CDH4: variants seen among roughly 807,000 people sequenced by gnomAD.
CDH4 encodes cadherin 4.
In CDH4, 33 loss-of-function variants were observed where a neutral mutation model predicts 86.0. The observed-to-expected ratio is 0.38, with a 90% CI of 0.29 to 0.51. CDH4 has a LOEUF of 0.51. Ranked by LOEUF, CDH4 falls within the 20% of genes least tolerant of loss-of-function variation. The pLI, the probability that CDH4 is intolerant of heterozygous loss-of-function variation, is 0.86. For synonymous variants in CDH4, 555 were observed against 549.4 expected (o/e 1.01, Z -0.14); for missense variants, 1,114 against 1,307.4 (o/e 0.85, Z 2.28).
intron 2 of CDH4, among the ~76,000 whole-genome samples, chr20:61,307,121 TAGG>T (rs10567243): frequency 0.61 from 93,029 of 151,782 alleles, 29,398 homozygotes; most frequent in Non-Finnish European, 0.7. Context: ...GCTGCTGCCT[TAGG>T]AGGAATTCCT....
At chr20:61,364,418 C>G (rs1377507261) in intron 2 of CDH4, among the ~76,000 whole-genome samples, 1 of 152,204 alleles carries the variant, frequency 6.6e-6, no homozygotes, top group Non-Finnish European at 1.5e-5. Flanking sequence ...ACTGCATGAG[C>G]TCAGGGCTCC....
At chr20:61,836,412 A>G (rs1600699226) in intron 4 of CDH4, among the ~76,000 whole-genome samples, 2 of 152,332 alleles carry the variant, frequency 1.3e-5, no homozygotes. Flanking sequence ...TTTTATTAGC[A>G]TTCATATGAC....
chr20:61,605,641 C>T (rs997621995), intron 2 of CDH4, among the ~76,000 whole-genome samples: 5 of 151,936 alleles, frequency 3.3e-5, no homozygotes, highest in African/African-American at 4.8e-5. Context: ...GTCTCTCCCT[C>T]TCTCTGTCTC....
chr20:61,310,429 C>T (rs949675400), intron 2 of CDH4, among the ~76,000 whole-genome samples: 3 of 152,168 alleles, frequency 2.0e-5, no homozygotes, highest in African/African-American at 7.2e-5. Flanking sequence ...AACTGTTCCA[C>T]CTCAGATCAT....
chr20:61,712,870 T>G (rs1286758172), intron 2 of CDH4, among the ~76,000 whole-genome samples: 2 of 152,182 alleles, frequency 1.3e-5, no homozygotes, highest in African/African-American at 4.8e-5. Context: ...AAGCTCTGAC[T>G]CGCCGAGGGT....
At position 61,544,915 on chromosome 20, in the gene CDH4, T is replaced by C. The variant is rs1334863106; in HGVS notation, c.170-198648T>C. 6.6e-6 allele frequency among the ~76,000 whole-genome samples: 1 copy of C among 152,112 alleles called. No homozygotes were observed. Among genetic ancestry groups the C allele is most frequent in the Non-Finnish European group, 1.5e-5 (1 of 68,040 alleles). The stretch of plus-strand genomic sequence containing the variant: ...TGGTACATACAGGTGCTAGGTACAA[T>C]CAAATGTATGTGATAAGTAATTAGA... On this transcript the variant is annotated intron_variant, in intron 2 of 15. Coordinates refer to ENST00000614565, the MANE Select transcript of CDH4 (RefSeq NM_001794.5). This position sits in a 1 kb window ranked among gnomAD's most constrained non-coding sequence, Gnocchi z 6.5.
At chr20:61,294,391 C>T (rs374218156) in intron 2 of CDH4, among the ~76,000 whole-genome samples, 28 of 152,292 alleles carry the variant, frequency 1.8e-4, no homozygotes, top group Non-Finnish European at 3.5e-4. Context: ...TCTGGGAGGG[C>T]AGCAGTCAAA....
In CDH4 at chr20:61,571,934, G is replaced by A. The variant is rs1176620392; in HGVS notation, c.170-171629G>A. Among the ~76,000 whole-genome samples, 3 of 152,102 alleles carry A rather than the reference G, an allele frequency of 2.0e-5. No individual in the cohort carries two copies. In the East Asian group the frequency reaches 5.8e-4, roughly 29 times the overall value. ...TCATGTTTTGTTCCCATGTTTCAGAGGAGGAAACTGAGGCACAGAGACTTC... is the reference window on the plus strand; with the variant it reads ...TCATGTTTTGTTCCCATGTTTCAGAAGAGGAAACTGAGGCACAGAGACTTC... On this transcript the variant is annotated intron_variant, in intron 2 of 15. Transcript: ENST00000614565.
intron 2 of CDH4, among the ~76,000 whole-genome samples, chr20:61,540,309 G>A (rs184405861): frequency 7.9e-5 from 12 of 152,292 alleles, no homozygotes; most frequent in Admixed American, 5.2e-4. Flanking sequence ...AGCCAAAAAT[G>A]TATCCTTTGA....
chr20:61,291,397 G>A (rs1049229190), intron 2 of CDH4, among the ~76,000 whole-genome samples: 1 of 152,242 alleles, frequency 6.6e-6, no homozygotes, highest in Non-Finnish European at 1.5e-5. Flanking sequence ...ACCGTGGTGT[G>A]TGGGCCCTGG....
At chr20:61,835,207 T>C (rs1295665674) in intron 4 of CDH4, among the ~76,000 whole-genome samples, 2 of 152,090 alleles carry the variant, frequency 1.3e-5, no homozygotes, top group Non-Finnish European at 2.9e-5. Flanking sequence ...TGTGCCACCA[T>C]GTCCAACTAA....
At chr20:61,317,016 T>C (rs552842503) in intron 2 of CDH4, among the ~76,000 whole-genome samples, 1 of 151,460 alleles carries the variant, frequency 6.6e-6, no homozygotes, top group Non-Finnish European at 1.5e-5. Context: ...GCTATTTCTT[T>C]TTTTTTTTTT....
At chr20:61,560,067 TCGACCCTGC>T (rs2086205399) in intron 2 of CDH4, among the ~76,000 whole-genome samples, 1 of 152,108 alleles carries the variant, frequency 6.6e-6, no homozygotes, top group African/African-American at 2.4e-5. Context: ...ATAGAGGAGA[TCGACCCTGC>T]CACTCGAACT....
intron 2 of CDH4, among the ~76,000 whole-genome samples, chr20:61,567,788 C>T (rs937369398): frequency 2.0e-5 from 3 of 152,066 alleles, no homozygotes; most frequent in African/African-American, 7.2e-5. Flanking sequence ...TCGAGACCAG[C>T]CTGGGCAACA....
chr20:61,342,784 G>A (rs1313829184), intron 2 of CDH4, among the ~76,000 whole-genome samples: 1 of 152,260 alleles, frequency 6.6e-6, no homozygotes, highest in Non-Finnish European at 1.5e-5. Flanking sequence ...ACTTGGAAGT[G>A]ATTCTCTGTT....
At position 61,937,096 on chromosome 20, in the gene CDH4, G is replaced by C; in HGVS notation, c.*153G>C. On this transcript the variant is annotated 3_prime_UTR_variant, in exon 16 of 16. Transcript: ENST00000614565. ...ATCCCCACGTTGAGCTGTCTAGCAT[G>C]AGCACCCACCCCCACAGCGCCCTGC... 1 of 556,682 alleles carries C rather than the reference G, an allele frequency of 1.8e-6. No individual in the cohort carries two copies. The highest frequency in any genetic ancestry group is 2.9e-6 in the Non-Finnish European group (1 of 342,230). The allele number at this position is 556,682 out of a possible 1,614,324, so 34.5% of individuals were successfully genotyped here.
intron 6 of CDH4, among the ~76,000 whole-genome samples, chr20:61,853,858 C>T (rs918335943): frequency 2.6e-5 from 4 of 152,190 alleles, no homozygotes; most frequent in Non-Finnish European, 5.9e-5. Flanking sequence ...TGGGACAAAC[C>T]TTTGCCCGGC....
chr20:61,757,598 A>T (rs2088581203), intron 3 of CDH4, among the ~76,000 whole-genome samples: 1 of 152,200 alleles, frequency 6.6e-6, no homozygotes. Flanking sequence ...CATTTTCCCC[A>T]GGCCATCCTG....
rs749518202 is a variant in CDH4 at position 61,879,383 on chromosome 20, A to G, written c.1050+5483A>G. Among the ~76,000 whole-genome samples, 1 of 152,130 alleles carries G rather than the reference A, an allele frequency of 6.6e-6. No individual in the cohort carries two copies. Among genetic ancestry groups the G allele is most frequent in the Non-Finnish European group, 1.5e-5 (1 of 68,014 alleles). On this transcript the variant is annotated intron_variant, in intron 7 of 15. Coordinates refer to ENST00000614565, the MANE Select transcript of CDH4 (RefSeq NM_001794.5). This position sits in a 1 kb window ranked among gnomAD's most constrained non-coding sequence, Gnocchi z 4.1. The stretch of plus-strand genomic sequence containing the variant: ...TCCTTTTTCTCTTCCTCCCCCTTTA[A>G]AAAGATTCATCTCCCCTGCCCTTGG...
Sources: allele counts gnomAD v4.1 joint callset (sites outside exome capture counted in the v4.1 genomes callset), GRCh38; gene constraint gnomAD v4.1.1; non-coding constraint Gnocchi (gnomAD v3.1); transcripts MANE v1.5; gene names NCBI Gene and HGNC (gene_info 2026-07-23, HGNC 2026-07-21).